Variants in RIMS1 observed in about 807,000 individuals in gnomAD.
The protein encoded by RIMS1 is regulating synaptic membrane exocytosis protein 1.
RIMS1 carries 83 observed loss-of-function variants against 214.1 expected under a neutral mutation model. The ratio of observed to expected loss-of-function variants is 0.39; its 90% CI spans 0.32 to 0.47. The LOEUF is 0.47. Among genes scored for constraint, RIMS1 ranks in the 20% least tolerant of loss-of-function variants. The pLI, the probability that RIMS1 is intolerant of heterozygous loss-of-function variation, is 0.99. For synonymous variants in RIMS1, 793 were observed against 786.8 expected (o/e 1.01, Z -0.13); for missense variants, 2,050 against 2,161.8 (o/e 0.95, Z 1.03).
intron 2 of RIMS1, among the ~76,000 whole-genome samples, chr6:71,977,293 G>A (rs991844089): frequency 3.3e-5 from 5 of 152,120 alleles, no homozygotes; most frequent in African/African-American, 4.8e-5. Flanking sequence ...AGAAGATAGC[G>A]TTAAAAGGAA....
At chr6:72,264,533 A>G (rs1164456443) in intron 19 of RIMS1, among the ~76,000 whole-genome samples, 1 of 152,104 alleles carries the variant, frequency 6.6e-6, no homozygotes, top group African/African-American at 2.4e-5. Context: ...TGTCCCTGGA[A>G]TGCTAGTCAA....
chr6:72,339,587 A>C (rs1201793173), intron 29 of RIMS1, among the ~76,000 whole-genome samples: 1 of 151,958 alleles, frequency 6.6e-6, no homozygotes, highest in East Asian at 1.9e-4. Context: ...TTCCAGCTTC[A>C]TCCATGTCCC....
intron 29 of RIMS1, among the ~76,000 whole-genome samples, chr6:72,376,167 A>G (rs1208262194): frequency 6.6e-6 from 1 of 152,180 alleles, no homozygotes; most frequent in East Asian, 1.9e-4. Flanking sequence ...ATGTATAGAG[A>G]AATATTCACC....
chr6:72,121,724 T>C (rs2038366076), intron 4 of RIMS1, among the ~76,000 whole-genome samples: 1 of 151,942 alleles, frequency 6.6e-6, no homozygotes, highest in Non-Finnish European at 1.5e-5. Flanking sequence ...CATCCCTGTC[T>C]TGTGCTAGTT....
intron 28 of RIMS1, among the ~76,000 whole-genome samples, chr6:72,331,001 C>A (rs1347813638): frequency 6.6e-6 from 1 of 151,488 alleles, no homozygotes; most frequent in Admixed American, 6.6e-5. Flanking sequence ...TATAACTTAA[C>A]CCCCTCCCAA....
chr6:72,254,821 C>G (rs1319639936), intron 16 of RIMS1, among the ~76,000 whole-genome samples: 2 of 152,142 alleles, frequency 1.3e-5, no homozygotes, highest in Admixed American at 6.6e-5. Flanking sequence ...TCTAAATATA[C>G]TTATATTCCA....
intron 28 of RIMS1, among the ~76,000 whole-genome samples, chr6:72,329,821 T>C (rs1158779594): frequency 1.3e-5 from 2 of 151,638 alleles, no homozygotes; most frequent in African/African-American, 2.4e-5. Flanking sequence ...ATATGGAAGA[T>C]TGGAGAGGGA....
At chr6:72,119,050 G>T (rs1429668922) in intron 4 of RIMS1, among the ~76,000 whole-genome samples, 7 of 151,724 alleles carry the variant, frequency 4.6e-5, no homozygotes, top group Non-Finnish European at 2.9e-5. Context: ...GTTCGCCAAT[G>T]ATATGATTGT....
chr6:71,890,586 A>AC (rs1479928610), intron 1 of RIMS1, among the ~76,000 whole-genome samples: 5 of 143,002 alleles, frequency 3.5e-5, no homozygotes, highest in Admixed American at 1.4e-4. Flanking sequence ...AAAAAAAAAA[A>AC]AAAAAAAAAA....
chr6:72,398,567 T>C (rs2098804997), intron 32 of RIMS1, among the ~76,000 whole-genome samples: 1 of 152,220 alleles, frequency 6.6e-6, no homozygotes, highest in Non-Finnish European at 1.5e-5. Context: ...TATAATATTT[T>C]TTTTAAAGTT....
intron 26 of RIMS1, among the ~76,000 whole-genome samples, chr6:72,299,396 A>G (rs944275577): frequency 2.6e-5 from 4 of 151,944 alleles, no homozygotes; most frequent in African/African-American, 9.7e-5. Context: ...ATTATTATTT[A>G]TAGGAACAAA....
intron 2 of RIMS1, among the ~76,000 whole-genome samples, chr6:71,978,668 G>T (rs1003871702): frequency 6.6e-6 from 1 of 151,998 alleles, no homozygotes; most frequent in Non-Finnish European, 1.5e-5. Flanking sequence ...GGCCTTCTCT[G>T]TACTATTTTT....
At chr6:72,054,611 T>A (rs1825659665) in intron 2 of RIMS1, among the ~76,000 whole-genome samples, 2 of 152,310 alleles carry the variant, frequency 1.3e-5, no homozygotes, top group South Asian at 4.2e-4. Flanking sequence ...TTTTTAATAA[T>A]TGCCATTCTG....
chr6:72,006,935 G>T (rs1219343901), intron 2 of RIMS1, among the ~76,000 whole-genome samples: 2 of 152,230 alleles, frequency 1.3e-5, no homozygotes, highest in Non-Finnish European at 2.9e-5. Flanking sequence ...AGAAACCTCT[G>T]CAGACTTAAA....
intron 1 of RIMS1, among the ~76,000 whole-genome samples, chr6:71,938,028 C>T (rs545070899): frequency 6.6e-6 from 1 of 152,294 alleles, no homozygotes; most frequent in African/African-American, 2.4e-5. Context: ...ATGTTGTCTA[C>T]TTCCAAAATA....
chr6:72,351,946 T>G (rs757375326), intron 29 of RIMS1, among the ~76,000 whole-genome samples: 17 of 152,190 alleles, frequency 1.1e-4, no homozygotes, highest in Non-Finnish European at 2.1e-4. Context: ...TCCCATTTAC[T>G]TATGAGGAAA....
chr6:72,087,504 C>T (rs1834967485), intron 2 of RIMS1, among the ~76,000 whole-genome samples: 2 of 152,196 alleles, frequency 1.3e-5, no homozygotes, highest in African/African-American at 4.8e-5. Flanking sequence ...TCTCAGATGG[C>T]ATTTCCCTGG....
At chr6:72,225,170 G>A (rs2059814115) in intron 6 of RIMS1, among the ~76,000 whole-genome samples, 1 of 152,046 alleles carries the variant, frequency 6.6e-6, no homozygotes. Context: ...GTCACTTGAG[G>A]GATCTCTGGT....
At chr6:72,151,233 G>A (rs949867054) in intron 4 of RIMS1, among the ~76,000 whole-genome samples, 60 of 152,062 alleles carry the variant, frequency 3.9e-4, no homozygotes, top group African/African-American at 1.1e-3. Flanking sequence ...TAGTAGAGAC[G>A]GGGTTTCACC....
Sources: allele counts gnomAD v4.1 joint callset (sites outside exome capture counted in the v4.1 genomes callset), GRCh38; gene constraint gnomAD v4.1.1; transcripts MANE v1.5; gene names NCBI Gene and HGNC (gene_info 2026-07-23, HGNC 2026-07-21).